Variants in NCAM2 observed in about 807,000 individuals in gnomAD.
NCAM2 encodes the protein N-CAM-2.
In NCAM2, 30 loss-of-function variants were observed where a neutral mutation model predicts 98.1. The ratio of observed to expected loss-of-function variants is 0.31; its 90% CI spans 0.23 to 0.41. The LOEUF is 0.41. Among genes scored for constraint, NCAM2 ranks in the 10% least tolerant of loss-of-function variants. NCAM2 has a pLI of 1.00. For synonymous variants in NCAM2, 368 were observed against 342.4 expected (o/e 1.07, Z -0.83); for missense variants, 867 against 1,005.8 (o/e 0.86, Z 1.87).
intron 11 of NCAM2, among the ~76,000 whole-genome samples, chr21:21,426,987 C>T (rs1314365188): frequency 1.3e-5 from 2 of 152,088 alleles, no homozygotes; most frequent in Non-Finnish European, 2.9e-5. Context: ...GCTAGCACTT[C>T]CTTTTAAAAG....
chr21:21,327,525 A>G (rs1284691884), intron 6 of NCAM2, among the ~76,000 whole-genome samples: 1 of 152,080 alleles, frequency 6.6e-6, no homozygotes, highest in African/African-American at 2.4e-5. Flanking sequence ...TTACATGAGT[A>G]TAATTTATAG....
intron 1 of NCAM2, among the ~76,000 whole-genome samples, chr21:21,215,247 A>G (rs1017536113): frequency 1.3e-5 from 2 of 152,196 alleles, no homozygotes; most frequent in African/African-American, 4.8e-5. Flanking sequence ...GGCATACTGC[A>G]TCAGAACCTT....
chr21:21,419,397 A>T (rs913036712), intron 11 of NCAM2, among the ~76,000 whole-genome samples: 1 of 145,376 alleles, frequency 6.9e-6, no homozygotes, highest in Non-Finnish European at 1.5e-5. Context: ...TTTAGGGTAC[A>T]TGTACACAAT....
chr21:21,094,018 T>C (rs562203410), intron 1 of NCAM2, among the ~76,000 whole-genome samples: 1 of 151,948 alleles, frequency 6.6e-6, no homozygotes, highest in South Asian at 2.1e-4. Flanking sequence ...TAATTGCAAA[T>C]TTATATTTAT....
chr21:21,097,352 T>C (rs2066144990), intron 1 of NCAM2, among the ~76,000 whole-genome samples: 1 of 151,688 alleles, frequency 6.6e-6, no homozygotes. Context: ...TTGAAATGTG[T>C]TATGGGAAGC....
chr21:21,232,096 G>A (rs190392777), intron 1 of NCAM2, among the ~76,000 whole-genome samples: 1 of 151,474 alleles, frequency 6.6e-6, no homozygotes, highest in East Asian at 1.9e-4. Flanking sequence ...TATCTTGCAG[G>A]AAGGGTGAAC....
chr21:21,293,320 T>C (rs2073362435), intron 5 of NCAM2, among the ~76,000 whole-genome samples: 1 of 151,788 alleles, frequency 6.6e-6, no homozygotes, highest in South Asian at 2.1e-4. Flanking sequence ...TACAACTTGG[T>C]TTCTCTACAC....
At chr21:21,074,806 C>T (rs1263756308) in intron 1 of NCAM2, among the ~76,000 whole-genome samples, 2 of 147,712 alleles carry the variant, frequency 1.4e-5, no homozygotes, top group Non-Finnish European at 3.0e-5. Context: ...TGCAGGGAAA[C>T]TATGAAGGTC....
intron 15 of NCAM2, among the ~76,000 whole-genome samples, chr21:21,491,675 A>G (rs1449606120): frequency 2.0e-5 from 3 of 151,682 alleles, no homozygotes; most frequent in Non-Finnish European, 3.0e-5. Context: ...CAAAAGAGAA[A>G]ATGTTCATTT....
At chr21:21,225,228 G>A (rs994241341) in intron 1 of NCAM2, among the ~76,000 whole-genome samples, 2 of 152,002 alleles carry the variant, frequency 1.3e-5, no homozygotes, top group Non-Finnish European at 2.9e-5. Flanking sequence ...GACACAGGGC[G>A]GGGAACAACA....
chr21:21,389,197 G>A (rs1446185372), intron 9 of NCAM2, among the ~76,000 whole-genome samples: 1 of 152,206 alleles, frequency 6.6e-6, no homozygotes, highest in Non-Finnish European at 1.5e-5. Context: ...CATTGCTGAA[G>A]GCAAATGAGG....
intron 12 of NCAM2, among the ~76,000 whole-genome samples, chr21:21,461,910 T>C (rs1410122713): frequency 1.3e-5 from 2 of 152,020 alleles, no homozygotes; most frequent in Non-Finnish European, 2.9e-5. Context: ...CGTGTGGAGC[T>C]GGCATCAAAG....
At position 21,466,692 on chromosome 21, in the gene NCAM2, A is replaced by G. The variant is rs751832602; in HGVS notation, c.1741A>G (p.Ser581Gly). 1.2e-6 allele frequency: 2 copies of G among 1,609,212 alleles called. No individual in the cohort carries two copies. The highest frequency in any genetic ancestry group is 1.7e-6 in the Non-Finnish European group (2 of 1,177,152). The change falls in exon 13 of 18, where the codon AGT (serine) becomes GGT (glycine). Residue 581 changes from serine to glycine, a missense_variant. By Grantham distance (56) the Ser-to-Gly change is moderately conservative. Around this residue, in one of 5 missense-constraint regions of NCAM2, gnomAD observed 234 missense variants for 333.8 expected, o/e 0.70. Coordinates refer to ENST00000400546, the MANE Select transcript of NCAM2 (RefSeq NM_004540.5). ...AVNGKGQGDY[S>G]KIEIFQTLPV... ...AAATGGAAAGGGACAAGGAGACTAC[A>G]GTAAAATAGAAATCTTCCAAACATT...
intron 1 of NCAM2, among the ~76,000 whole-genome samples, chr21:21,023,290 G>A (rs773754569): frequency 7.9e-5 from 12 of 152,110 alleles, no homozygotes; most frequent in Non-Finnish European, 1.6e-4. Context: ...TTGGGAGGCC[G>A]AGGTGGACAG....
intron 4 of NCAM2, among the ~76,000 whole-genome samples, chr21:21,290,526 A>C (rs915282404): frequency 1.3e-5 from 2 of 151,830 alleles, no homozygotes; most frequent in Non-Finnish European, 2.9e-5. Context: ...TTAATTTACC[A>C]GGGGAAAGAA....
intron 1 of NCAM2, among the ~76,000 whole-genome samples, chr21:21,034,336 G>C (rs2064754835): frequency 6.6e-6 from 1 of 152,160 alleles, no homozygotes; most frequent in South Asian, 2.1e-4. Flanking sequence ...AGTATTTTAA[G>C]CTAGTTTTTC....
chr21:21,456,385 C>G (rs1982147517), intron 12 of NCAM2, among the ~76,000 whole-genome samples: 1 of 151,992 alleles, frequency 6.6e-6, no homozygotes, highest in South Asian at 2.1e-4. Flanking sequence ...AGTGTGATTA[C>G]AATTTGCTCC....
chr21:21,042,569 G>A (rs6518051), intron 1 of NCAM2, among the ~76,000 whole-genome samples: 141,802 of 152,244 alleles, frequency 0.93, 66,863 homozygotes, highest in East Asian at 1. Context: ...AAATCTCAGG[G>A]ATTTTTCTTT....
intron 1 of NCAM2, among the ~76,000 whole-genome samples, chr21:21,013,569 G>A (rs1247502061): frequency 1.3e-5 from 2 of 152,204 alleles, no homozygotes; most frequent in East Asian, 1.9e-4. Flanking sequence ...ATCATTTGAG[G>A]TCAGGAGTTC....
Sources: gnomAD v4.1 joint callset for allele counts (sites outside exome capture counted in the v4.1 genomes callset) on GRCh38, gnomAD v4.1.1 for gene constraint, gnomAD v4.1.1 regional missense constraint, MANE v1.5 for transcripts, NCBI Gene and HGNC (gene_info 2026-07-23, HGNC 2026-07-21) for gene names.